The following XKR4 variants were observed in gnomAD, a reference collection of about 807,000 sequenced individuals.
XKR4 encodes the protein XK related 4, also known as XK-related protein 4.
A neutral mutation model predicts 53.9 loss-of-function variants in XKR4; 12 were observed. The observed-to-expected ratio is 0.22, with a 90% confidence interval of 0.14 to 0.36. XKR4 has a LOEUF of 0.36. XKR4 is among the 10% of genes least tolerant of loss of function. XKR4 has a pLI of 1.00. For synonymous variants in XKR4, 354 were observed against 362.4 expected (o/e 0.98, Z 0.26); for missense variants, 799 against 859.5 (o/e 0.93, Z 0.88).
In XKR4 at chr8:55,396,398, G is replaced by GT. The variant is rs1478254228; in HGVS notation, c.1006+38521_1006+38522insT. Among the ~76,000 whole-genome samples the GT allele has an allele frequency of 8.2e-5, 3 of 36,476 alleles. No individual in the cohort carries two copies. The East Asian group carries it at 1.9e-3, about 23-fold the overall frequency. The allele number at this position is 36,476 out of a possible 152,430, so 23.9% of individuals were successfully genotyped here. On this transcript the variant is annotated intron_variant, in intron 2 of 2. Transcript: ENST00000327381. ...GTTTTTTTGTGTTTTTTTTTTGTTT[G>GT]GTTTTTTTTTTTTTTTTTTTGCAGA... is the stretch of plus-strand genomic sequence containing the variant.
At chr8:55,501,143 T>A (rs530953119) in intron 2 of XKR4, among the ~76,000 whole-genome samples, 8 of 152,220 alleles carry the variant, frequency 5.3e-5, no homozygotes, top group African/African-American at 1.9e-4. Flanking sequence ...TTCAATTTTT[T>A]AAAAAACTTT....
intron 1 of XKR4, among the ~76,000 whole-genome samples, chr8:55,270,453 G>A (rs1397460026): frequency 6.6e-6 from 1 of 152,174 alleles, no homozygotes; most frequent in African/African-American, 2.4e-5. Context: ...AACTGCCTCA[G>A]TGTGTCAGAC....
At chr8:55,453,665 G>A (rs879477173) in intron 2 of XKR4, 10 of 416,508 alleles carry the variant, frequency 2.4e-5, no homozygotes, top group Admixed American at 6.0e-5. Flanking sequence ...ATCCAGCCAG[G>A]GGAAGGGCCG....
At chr8:55,509,139 GCACTGCCTCTGTCCTC>G (rs1376526044) in intron 2 of XKR4, among the ~76,000 whole-genome samples, 1 of 152,150 alleles carries the variant, frequency 6.6e-6, no homozygotes, top group African/African-American at 2.4e-5. Flanking sequence ...TAGTTGGGGA[GCACTGCCTCTGTCCTC>G]CGCTGCCTGT....
chr8:55,385,432 G>A lies in XKR4; in HGVS notation c.1006+27555G>A, dbSNP rs77952171. Among the ~76,000 whole-genome samples the A allele has an allele frequency of 6.5e-3, 989 of 152,178 alleles. 12 individuals carry two copies. The highest frequency in any genetic ancestry group is 0.023 in the African/African-American group (950 of 41,512). On this transcript the variant is annotated intron_variant, in intron 2 of 2. Transcript: ENST00000327381. ...TCTGTGAAGCTGTCTCTGAGCCTCC[G>A]CACATACCTTACTCTTCCCTTCCCC... is the stretch of plus-strand genomic sequence containing the variant.
intron 2 of XKR4, among the ~76,000 whole-genome samples, chr8:55,391,237 C>G (rs1804439262): frequency 6.6e-6 from 1 of 152,130 alleles, no homozygotes; most frequent in Admixed American, 6.5e-5. Context: ...TGCATTCTTC[C>G]CTGGCCCGGA....
intron 1 of XKR4, among the ~76,000 whole-genome samples, chr8:55,235,350 T>G (rs995923725): frequency 6.6e-6 from 1 of 152,220 alleles, no homozygotes; most frequent in Non-Finnish European, 1.5e-5. Context: ...AGGTTCCTGG[T>G]GGACATGAAT....
intron 1 of XKR4, among the ~76,000 whole-genome samples, chr8:55,288,787 C>T (rs185718171): frequency 6.6e-6 from 1 of 152,250 alleles, no homozygotes; most frequent in African/African-American, 2.4e-5. Context: ...CACAAGGGTC[C>T]CTCATGTTAT....
Position 55,155,645 on chromosome 8 carries a change from AG to A in XKR4, c.806+52352del, listed in dbSNP as rs1428054904. On this transcript the variant is annotated intron_variant, in intron 1 of 2. Coordinates refer to ENST00000327381, the MANE Select transcript of XKR4 (RefSeq NM_052898.2). Reference sequence around the variant, plus strand: ...GATAAAGGCATTAAGAGAGAGAGAGAGAAAAAAAAATCTAAAGTTCTAAATT... The same window carrying A: ...GATAAAGGCATTAAGAGAGAGAGAGAAAAAAAAAATCTAAAGTTCTAAATT... Among the ~76,000 whole-genome samples, 323 of 151,708 alleles carry A rather than the reference AG, an allele frequency of 2.1e-3. 1 individual carries two copies. The highest frequency in any genetic ancestry group is 7.2e-3 in the African/African-American group (297 of 41,324).
chr8:55,391,713 A>C (rs1235739014), intron 2 of XKR4, among the ~76,000 whole-genome samples: 1 of 152,208 alleles, frequency 6.6e-6, no homozygotes, highest in African/African-American at 2.4e-5. Context: ...TTCCATATTC[A>C]AAACATAAAA....
At chr8:55,282,856 A>G (rs1818860684) in intron 1 of XKR4, among the ~76,000 whole-genome samples, 2 of 152,234 alleles carry the variant, frequency 1.3e-5, no homozygotes, top group South Asian at 4.1e-4. Flanking sequence ...AGCAGTTTCC[A>G]GTCCTTCAAG....
chr8:55,327,556 G>A (rs1484788966), intron 1 of XKR4, among the ~76,000 whole-genome samples: 1 of 152,110 alleles, frequency 6.6e-6, no homozygotes, highest in Admixed American at 6.5e-5. Context: ...TAAGCCTAAT[G>A]CATAATAATT....
At chr8:55,345,462 A>G (rs1429968138) in intron 1 of XKR4, among the ~76,000 whole-genome samples, 1 of 152,204 alleles carries the variant, frequency 6.6e-6, no homozygotes, top group Non-Finnish European at 1.5e-5. Context: ...GGCCAAAATT[A>G]ATTCTCCTTA....
chr8:55,116,454 A>G (rs978093419), intron 1 of XKR4, among the ~76,000 whole-genome samples: 8 of 152,164 alleles, frequency 5.3e-5, no homozygotes, highest in Non-Finnish European at 1.2e-4. Flanking sequence ...GTAAGGAGAA[A>G]TAGGATGGCT....
At chr8:55,451,853 T>C in intron 2 of XKR4, 1 of 893,156 alleles carries the variant, frequency 1.1e-6, no homozygotes, top group Non-Finnish European at 1.8e-6. Context: ...TCCGAGGGCT[T>C]CAAGGCTGAG....
intron 2 of XKR4, among the ~76,000 whole-genome samples, chr8:55,400,952 A>T (rs1848086): frequency 0.014 from 2,136 of 152,334 alleles, 28 homozygotes; most frequent in African/African-American, 0.035. Flanking sequence ...CAGTGGGAGA[A>T]GCCACAAATG....
intron 2 of XKR4, among the ~76,000 whole-genome samples, chr8:55,480,561 G>T (rs1265669297): frequency 1.3e-5 from 2 of 152,170 alleles, no homozygotes; most frequent in South Asian, 2.1e-4. Context: ...GGGCAATCAG[G>T]CAGGAGAAGG....
At chr8:55,189,410 G>A (rs1378169529) in intron 1 of XKR4, among the ~76,000 whole-genome samples, 4 of 152,124 alleles carry the variant, frequency 2.6e-5, no homozygotes, top group South Asian at 2.1e-4. Flanking sequence ...ATCGGTAAGC[G>A]GTTTCATCAC....
intron 1 of XKR4, among the ~76,000 whole-genome samples, chr8:55,214,726 A>G (rs538814484): frequency 6.6e-6 from 1 of 152,126 alleles, no homozygotes. Context: ...ACTGACCCCA[A>G]AGTCCCCTGT....
Sources: gnomAD v4.1 joint callset for allele counts (sites outside exome capture counted in the v4.1 genomes callset) on GRCh38, gnomAD v4.1.1 for gene constraint, MANE v1.5 for transcripts, NCBI Gene and HGNC (gene_info 2026-07-23, HGNC 2026-07-21) for gene names.